The following KLHL29 variants were observed in gnomAD, a reference collection of about 807,000 sequenced individuals.
The protein encoded by KLHL29 is kelch like family member 29.
Under a neutral mutation model 80.4 loss-of-function variants are expected in KLHL29, and 21 were observed. The ratio of observed to expected loss-of-function variants is 0.26; its 90% confidence interval spans 0.19 to 0.38. The LOEUF (loss-of-function observed/expected upper bound fraction) is 0.38, where lower values mean the gene tolerates loss of function less well. KLHL29 is among the 10% of genes least tolerant of loss of function. The pLI is 1.00. For synonymous variants in KLHL29, 511 were observed against 526.8 expected, an observed-to-expected ratio of 0.97 and a Z score of 0.41; for missense variants, 867 against 1,223.9, an observed-to-expected ratio of 0.71 and a Z score of 4.35.
intron 2 of KLHL29, among the ~76,000 whole-genome samples, chr2:23,508,273 G>C (rs72848100): frequency 6.6e-6 from 1 of 152,240 alleles, no homozygotes; most frequent in Non-Finnish European, 1.5e-5. Flanking sequence ...ACACAGTGGG[G>C]AGAGCTTGTC....
intron 3 of KLHL29, among the ~76,000 whole-genome samples, chr2:23,602,380 C>A (rs1668594401): frequency 6.6e-6 from 1 of 152,178 alleles, no homozygotes; most frequent in Non-Finnish European, 1.5e-5. Flanking sequence ...TGCACAGAGG[C>A]CTCCTGGAGA....
rs1480052644 is a variant in KLHL29 at position 23,402,858 on chromosome 2, G to A, written c.-154+17078G>A. Among the ~76,000 whole-genome samples the A allele has an allele frequency of 5.3e-5, 8 of 151,542 alleles. No homozygotes were observed. In the South Asian group the frequency reaches 1.7e-3, roughly 32 times the overall value. On this transcript the variant is annotated intron_variant, in intron 1 of 13. Transcript: ENST00000486442. ...TGTCCCTGATTTCTTATATATGTGTGTGTATATATATGTACATATACATAT... is the reference window on the plus strand; with the variant it reads ...TGTCCCTGATTTCTTATATATGTGTATGTATATATATGTACATATACATAT...
intron 3 of KLHL29, among the ~76,000 whole-genome samples, chr2:23,604,228 C>T (rs903662279): frequency 2.0e-5 from 3 of 151,918 alleles, no homozygotes; most frequent in Admixed American, 6.6e-5. Context: ...CTGGGCCTCC[C>T]GAGTAGCTGG....
chr2:23,399,974 A>G (rs1034720805), intron 1 of KLHL29, among the ~76,000 whole-genome samples: 1 of 152,124 alleles, frequency 6.6e-6, no homozygotes. Context: ...GGACATTGAG[A>G]TGGCACTGTG....
chr2:23,657,150 C>T (rs1670269585), intron 5 of KLHL29, among the ~76,000 whole-genome samples: 1 of 152,122 alleles, frequency 6.6e-6, no homozygotes, highest in Non-Finnish European at 1.5e-5. Context: ...ACAAGGCACC[C>T]CTGCCAGCTC....
chr2:23,414,994 C>T (rs148755225), intron 1 of KLHL29, among the ~76,000 whole-genome samples: 29 of 152,312 alleles, frequency 1.9e-4, no homozygotes, highest in African/African-American at 6.7e-4. Context: ...GCTCAGAGGC[C>T]ACATGGCCAG....
At chr2:23,605,412 G>A (rs1668683235) in intron 3 of KLHL29, among the ~76,000 whole-genome samples, 1 of 152,000 alleles carries the variant, frequency 6.6e-6, no homozygotes, top group Admixed American at 6.6e-5. Flanking sequence ...TGCCCCTTAT[G>A]GAGCGACTTC....
chr2:23,605,970 A>G (rs1465335424), intron 3 of KLHL29, among the ~76,000 whole-genome samples: 2 of 151,984 alleles, frequency 1.3e-5, no homozygotes, highest in East Asian at 1.9e-4. Flanking sequence ...GGGTTTTGCC[A>G]TGTTGGCCAG....
chr2:23,689,187 GCAGAT>G (rs1671423759), intron 6 of KLHL29: 1 of 152,296 alleles, frequency 6.6e-6, no homozygotes. Context: ...GCCTTTCCCT[GCAGAT>G]CATCTGCCCA....
At chr2:23,677,801 C>G (rs569986516) in intron 5 of KLHL29, among the ~76,000 whole-genome samples, 1 of 152,346 alleles carries the variant, frequency 6.6e-6, no homozygotes, top group South Asian at 2.1e-4. Context: ...GCCTGCCTGA[C>G]ACTGTCTTTG....
intron 2 of KLHL29, among the ~76,000 whole-genome samples, chr2:23,516,462 A>T (rs1232764954): frequency 6.6e-6 from 1 of 151,920 alleles, no homozygotes; most frequent in Non-Finnish European, 1.5e-5. Flanking sequence ...AACAAACTGG[A>T]CGCACTCCTT....
rs141664758 is a variant in KLHL29, at chr2:23,572,204, T to C, written c.285+9723T>C. ...GAGAGCGTCACCCCACCACCCACTT[T>C]AGCCACGCTGAAATTCCCAAACAGG... On this transcript the variant is annotated intron_variant, in intron 3 of 13. Coordinates refer to ENST00000486442, the MANE Select transcript of KLHL29 (RefSeq NM_052920.2). 4.9e-3 allele frequency among the ~76,000 whole-genome samples: 745 copies of C among 152,274 alleles called. 4 individuals carry two copies. Among genetic ancestry groups the C allele is most frequent in the African/African-American group, 0.016 (681 of 41,574 alleles).
At chr2:23,495,148 A>T (rs1665224894) in intron 2 of KLHL29, among the ~76,000 whole-genome samples, 2 of 152,200 alleles carry the variant, frequency 1.3e-5, no homozygotes, top group Non-Finnish European at 2.9e-5. Context: ...TCAGTCTCCC[A>T]GAGTGCTGGG....
intron 1 of KLHL29, among the ~76,000 whole-genome samples, chr2:23,460,872 G>A (rs887142121): frequency 7.2e-5 from 11 of 152,194 alleles, no homozygotes; most frequent in African/African-American, 2.4e-4. Context: ...AGGGAGCATC[G>A]TGCAAGCTCA....
In KLHL29 at chr2:23,642,504, G is replaced by A. The variant is rs753127612; in HGVS notation, c.594G>A (p.Pro198=). ...CTCCCCACGTGGGGCCCCAGCTCCC[G>A]CTGATGCCAGGCCACTACTCGCTCC... ...SLPPHVGPQL[P]LMPGHYSLPQ... is the part of the protein sequence containing the mutation. Residue 198 remains proline (P), a synonymous_variant, in exon 5 of 14, where the codon CCG becomes CCA. Coordinates refer to ENST00000486442, the MANE Select transcript of KLHL29 (RefSeq NM_052920.2). 1.6e-4 allele frequency: 237 copies of A among 1,521,234 alleles called. No homozygotes were observed. The highest frequency in any genetic ancestry group is 2.5e-4 in the East Asian group (10 of 40,198). 94.2% of individuals were successfully genotyped at this position (1,521,234 alleles called of 1,614,324 possible). A position where few individuals can be genotyped will look rare whatever the true frequency, so the allele number is the denominator to read the frequency against.
chr2:23,499,943 A>C (rs1015636267), intron 2 of KLHL29, among the ~76,000 whole-genome samples: 1 of 152,194 alleles, frequency 6.6e-6, no homozygotes, highest in Non-Finnish European at 1.5e-5. Context: ...ATAGAAGGTT[A>C]TTGGTTTATT....
At chr2:23,469,747 A>G (rs1338670646) in intron 1 of KLHL29, among the ~76,000 whole-genome samples, 2 of 152,134 alleles carry the variant, frequency 1.3e-5, no homozygotes, top group South Asian at 4.1e-4. Flanking sequence ...TTTACTGAGC[A>G]TCTACTACGT....
At chr2:23,673,966 C>T (rs1307717889) in intron 5 of KLHL29, among the ~76,000 whole-genome samples, 3 of 152,172 alleles carry the variant, frequency 2.0e-5, no homozygotes, top group Non-Finnish European at 4.4e-5. Flanking sequence ...ACCTTCAGTC[C>T]CTAACATGGC....
At chr2:23,638,810 C>G (rs1349303249) in intron 3 of KLHL29, among the ~76,000 whole-genome samples, 2 of 152,188 alleles carry the variant, frequency 1.3e-5, no homozygotes, top group Non-Finnish European at 2.9e-5. Flanking sequence ...GGCCAGAGAA[C>G]CCATCTCATA....
Sources: allele counts gnomAD v4.1 joint callset (sites outside exome capture counted in the v4.1 genomes callset), GRCh38; gene constraint gnomAD v4.1.1; transcripts MANE v1.5; gene names NCBI Gene and HGNC (gene_info 2026-07-23, HGNC 2026-07-21).